The following CLASP2 variants were observed in gnomAD, a reference collection of about 807,000 sequenced individuals.
CLASP2 encodes cytoplasmic linker associated protein 2.
Under a neutral mutation model 194.4 loss-of-function variants are expected in CLASP2, and 47 were observed. The ratio of observed to expected loss-of-function variants is 0.24; its 90% CI spans 0.19 to 0.31. The LOEUF (loss-of-function observed/expected upper bound fraction) is 0.31, where lower values mean the gene tolerates loss of function less well. CLASP2 is among the 10% of genes least tolerant of loss of function. The pLI, the probability that CLASP2 is intolerant of heterozygous loss-of-function variation, is 1.00. For synonymous variants in CLASP2, 619 were observed against 633.5 expected, an observed-to-expected ratio of 0.98 and a Z score of 0.34; for missense variants, 1,445 against 1,823.6, an observed-to-expected ratio of 0.79 and a Z score of 3.78.
In CLASP2 at chr3:33,622,122, G is replaced by C. The variant is rs774936348; in HGVS notation, c.1181+13C>G. 1.8e-5 allele frequency: 28 copies of C among 1,546,494 alleles called. No individual in the cohort carries two copies. The highest frequency in any genetic ancestry group is 1.7e-4 in the Middle Eastern group (1 of 5,752). ...TTCATAAAAAACACTTATCATAAAAGGAATATACTTACGCTACAGTAATAC... is the reference window on the plus strand; with the variant it reads ...TTCATAAAAAACACTTATCATAAAACGAATATACTTACGCTACAGTAATAC... On this transcript the variant is annotated intron_variant, in intron 11 of 38. Coordinates refer to ENST00000682230, the MANE Select transcript of CLASP2 (RefSeq NM_001365631.1).
intron 21 of CLASP2, among the ~76,000 whole-genome samples, chr3:33,586,964 C>G (rs1342537216): frequency 6.6e-6 from 1 of 152,056 alleles, no homozygotes; most frequent in East Asian, 1.9e-4. Flanking sequence ...CTTTTTAGTT[C>G]TAGCCACCTT....
At position 33,535,426 on chromosome 3, in the gene CLASP2, T is replaced by C. The variant is rs761867201; in HGVS notation, c.3594A>G (p.Ala1198=). Reference sequence around the variant, plus strand: ...GACTTGAGTCAGTAGCATCACCTCCTGCTCTTGGGTCAGACATCCCAGGAC... The same window carrying C: ...GACTTGAGTCAGTAGCATCACCTCCCGCTCTTGGGTCAGACATCCCAGGAC... The part of the protein sequence containing the change: ...CGGPGMSDPR[A]GGDATDSSQT... Residue 1198 remains alanine (A), a synonymous_variant, in exon 34 of 39, where the codon GCA becomes GCG. Transcript: ENST00000682230. 2 of 1,614,012 alleles carry C rather than the reference T, an allele frequency of 1.2e-6. No homozygotes were observed. Among genetic ancestry groups the C allele is most frequent in the Non-Finnish European group, 1.7e-6 (2 of 1,179,878 alleles).
intron 7 of CLASP2, among the ~76,000 whole-genome samples, chr3:33,661,431 G>C (rs1356146027): frequency 6.6e-6 from 1 of 152,168 alleles, no homozygotes; most frequent in Non-Finnish European, 1.5e-5. Flanking sequence ...AAAAGCTAAA[G>C]GAGATTTAGA....
At chr3:33,570,932 T>A in intron 25 of CLASP2, 142 bp from the exon 26 acceptor site, 1 of 705,614 alleles carries the variant, frequency 1.4e-6, no homozygotes, top group Non-Finnish European at 2.2e-6. Context: ...TCCTAGCATT[T>A]TGGGAGGCTG....
chr3:33,580,042 A>G (rs1347517829), intron 23 of CLASP2, among the ~76,000 whole-genome samples: 1 of 152,184 alleles, frequency 6.6e-6, no homozygotes, highest in African/African-American at 2.4e-5. Flanking sequence ...TATCTCTGAC[A>G]AAGTACCTGC....
At chr3:33,592,660 T>A (rs2069084741) in intron 20 of CLASP2, 164 bp from the exon 21 acceptor site, 1 of 678,628 alleles carries the variant, frequency 1.5e-6, no homozygotes, top group Non-Finnish European at 2.6e-6. Flanking sequence ...CAGTAATTTT[T>A]TTTTTACGTG....
At chr3:33,707,605 T>C (rs1479316093) in intron 1 of CLASP2, among the ~76,000 whole-genome samples, 2 of 152,208 alleles carry the variant, frequency 1.3e-5, no homozygotes, top group African/African-American at 4.8e-5. Flanking sequence ...AGAGCTTGTG[T>C]GCCTTCCATA....
At position 33,510,703 on chromosome 3, in the gene CLASP2, C is replaced by T; in HGVS notation, c.4172G>A (p.Cys1391Tyr). 1 of 1,613,492 alleles carries T rather than the reference C, an allele frequency of 6.2e-7. No individual in the cohort carries two copies. The highest frequency in any genetic ancestry group is 8.5e-7 in the Non-Finnish European group (1 of 1,179,704). ...AATGATAGGACAAAGCACTTTGATGCACTGCTCTGGACTAATTGAAGTGGC... is the reference window on the plus strand; with the variant it reads ...AATGATAGGACAAAGCACTTTGATGTACTGCTCTGGACTAATTGAAGTGGC... ...VLATSISPEQ[C>Y]IKVLCPIIQT... Residue 1391 changes from cysteine (C) to tyrosine (Y), a missense_variant, in exon 37 of 39, where the codon TGC (cysteine) becomes TAC (tyrosine). This residue lies in a region of CLASP2 where 732 missense variants were observed against 987.9 expected (regional missense o/e 0.74). Transcript: ENST00000682230.
intron 21 of CLASP2, among the ~76,000 whole-genome samples, chr3:33,586,524 T>C (rs2067408952): frequency 6.6e-6 from 1 of 152,120 alleles, no homozygotes; most frequent in African/African-American, 2.4e-5. Context: ...AGACTGTGCA[T>C]GGGTTTAAAA....
intron 37 of CLASP2, 49 bp downstream of exon 37, chr3:33,510,507 CTG>C: frequency 6.5e-7 from 1 of 1,543,864 alleles, no homozygotes; most frequent in Non-Finnish European, 8.9e-7. Flanking sequence ...CCTAAAATAA[CTG>C]TATCCCAAAT....
chr3:33,687,091 A>T lies in CLASP2; in HGVS notation c.515T>A (p.Leu172Ter). 6.2e-7 allele frequency: 1 copy of T among 1,603,568 alleles called. No homozygotes were observed. The highest frequency in any genetic ancestry group is 8.5e-7 in the Non-Finnish European group (1 of 1,174,688). ...GTTGGAGTCTCCAAACAGGATACAC[A>T]AATGTGGTATCAATTTGCTGATGAC... is the stretch of plus-strand genomic sequence containing the variant. ...PLVISKLIPH[L>*]CILFGDSNSQ... Residue 172 changes from leucine (L) to a stop codon, truncating the protein, a stop_gained, in exon 5 of 39, where the codon TTG becomes TAG. Coordinates refer to ENST00000682230, the MANE Select transcript of CLASP2 (RefSeq NM_001365631.1). LOFTEE classifies it high-confidence loss of function.
chr3:33,520,476 G>C (rs1285411116), intron 34 of CLASP2, among the ~76,000 whole-genome samples: 1 of 152,214 alleles, frequency 6.6e-6, no homozygotes, highest in Non-Finnish European at 1.5e-5. Flanking sequence ...AGCCCAGACA[G>C]GTAGGAAGGC....
chr3:33,677,455 C>CA (rs2088928926), intron 6 of CLASP2, among the ~76,000 whole-genome samples: 2 of 149,498 alleles, frequency 1.3e-5, no homozygotes, highest in African/African-American at 2.5e-5. Context: ...ATCACAAGAA[C>CA]AAAAAACCAA....
At position 33,545,959 on chromosome 3, in the gene CLASP2, G is replaced by T. The variant is rs532397049; in HGVS notation, c.3154-1118C>A. Among the ~76,000 whole-genome samples, 5 of 151,854 alleles carry T rather than the reference G, an allele frequency of 3.3e-5. No individual in the cohort carries two copies. In the East Asian group the frequency reaches 9.7e-4, roughly 29 times the overall value. The stretch of plus-strand genomic sequence containing the variant: ...AGCACATTTTGTTAAAAACAAAGAA[G>T]TGTAAGTTGTGTGGGTATATACTCT... On this transcript the variant is annotated intron_variant, in intron 30 of 38. Transcript: ENST00000682230.
chr3:33,616,604 C>T (rs2076206112), intron 12 of CLASP2, among the ~76,000 whole-genome samples: 1 of 152,034 alleles, frequency 6.6e-6, no homozygotes. Flanking sequence ...ATGTGAACAG[C>T]AGGAAATTTC....
rs2058040808 is a variant in CLASP2, at chr3:33,539,861, TA to T, written c.3405-920del. On this transcript the variant is annotated intron_variant, in intron 32 of 38. Transcript: ENST00000682230. ...GTAATGGTACTGCTTGACAAAGAGATAAATGTATTTTAACACAAATTTGTAA... is the reference window on the plus strand; with the variant it reads ...GTAATGGTACTGCTTGACAAAGAGATAATGTATTTTAACACAAATTTGTAA... 2.0e-5 allele frequency among the ~76,000 whole-genome samples: 3 copies of T among 152,098 alleles called. No individual in the cohort carries two copies. In the South Asian group the frequency reaches 6.2e-4, roughly 32 times the overall value.
At chr3:33,689,623 TA>T (rs896278125) in intron 3 of CLASP2, 493 of 395,058 alleles carry the variant, frequency 1.2e-3, no homozygotes, top group Middle Eastern at 3.4e-3. Context: ...AGTTAGCTTT[TA>T]AAAAAAAAGC....
intron 23 of CLASP2, among the ~76,000 whole-genome samples, chr3:33,580,383 T>C (rs908466275): frequency 1.3e-5 from 2 of 151,866 alleles, no homozygotes; most frequent in Non-Finnish European, 2.9e-5. Flanking sequence ...TCCAGTATCA[T>C]GAAACCCCAT....
intron 12 of CLASP2, among the ~76,000 whole-genome samples, chr3:33,612,392 C>T (rs2075351825): frequency 6.6e-6 from 1 of 152,136 alleles, no homozygotes. Context: ...GTACTGGCCA[C>T]ATTTTCTGAA....
Sources: gnomAD v4.1 joint callset for allele counts (sites outside exome capture counted in the v4.1 genomes callset) on GRCh38, gnomAD v4.1.1 for gene constraint, gnomAD v4.1.1 regional missense constraint, MANE v1.5 for transcripts, NCBI Gene and HGNC (gene_info 2026-07-23, HGNC 2026-07-21) for gene names.